The following IL2RB variants were observed in gnomAD, a reference collection of about 807,000 sequenced individuals.
IL2RB encodes interleukin 2 receptor subunit beta, also known as interleukin-2 receptor subunit beta.
IL2RB carries 17 observed loss-of-function variants against 44.2 expected under a neutral mutation model. That is an observed-to-expected ratio of 0.38 (90% CI 0.26 to 0.58). IL2RB has a LOEUF of 0.58. Among genes scored for constraint, IL2RB ranks in the 20% least tolerant of loss-of-function variants. IL2RB has a pLI of 0.63. For synonymous variants in IL2RB, 286 were observed against 297.9 expected, an observed-to-expected ratio of 0.96 and a Z score of 0.41; for missense variants, 624 against 685.5, an observed-to-expected ratio of 0.91 and a Z score of 1.00.
chr22:37,161,796 A>G (rs911411063), intron 1 of IL2RB: 7 of 152,180 alleles, frequency 4.6e-5, no homozygotes, highest in East Asian at 1.9e-4. Flanking sequence ...GGCTCACCCA[A>G]TCAGAAGCCT....
chr22:37,154,575 C>CTT (rs57147928), upstream of IL2RB, among the ~76,000 whole-genome samples: 5,889 of 141,464 alleles, frequency 0.042, 390 homozygotes, highest in African/African-American at 0.14. Flanking sequence ...CTTTTTTTTT[C>CTT]TTTTTTTTTT....
Position 37,135,374 on chromosome 22 carries a change from T to C in IL2RB, c.772A>G (p.Ile258Val). 1 of 1,613,918 alleles carries C rather than the reference T, an allele frequency of 6.2e-7. No homozygotes were observed. The highest frequency in any genetic ancestry group is 1.3e-5 in the African/African-American group (1 of 75,008). The change falls in exon 8 of 10, where the codon ATC becomes GTC. Residue 258 changes from isoleucine (I) to valine (V), a missense_variant. Transcript: ENST00000216223. Reference sequence around the variant, plus strand: ...TTGATCAGCAAGTACACTAAGATGATGAAGCCAAAAGCCCCGCTGAGGCCC... The same window carrying C: ...TTGATCAGCAAGTACACTAAGATGACGAAGCCAAAAGCCCCGCTGAGGCCC... ...LVGLSGAFGF[I>V]ILVYLLINCR...
chr22:37,145,314 C>T (rs777893587), intron 1 of IL2RB, among the ~76,000 whole-genome samples: 1 of 152,080 alleles, frequency 6.6e-6, no homozygotes, highest in African/African-American at 2.4e-5. Context: ...CCAGATTATA[C>T]CCCAGGGAGG....
chr22:37,154,720 C>T (rs1922618710), upstream of IL2RB, among the ~76,000 whole-genome samples: 1 of 152,072 alleles, frequency 6.6e-6, no homozygotes, highest in Admixed American at 6.6e-5. Flanking sequence ...GGATTACAGG[C>T]ACACACCACC....
intron 1 of IL2RB, among the ~76,000 whole-genome samples, chr22:37,147,878 T>A (rs1454641624): frequency 6.6e-6 from 1 of 151,998 alleles, no homozygotes; most frequent in Admixed American, 6.5e-5. Context: ...CCCCAAAGAG[T>A]GCATAGCCCA....
At chr22:37,132,289 T>A in intron 9 of IL2RB, 95 bp downstream of exon 9, 1 of 920,922 alleles carries the variant, frequency 1.1e-6, no homozygotes, top group Non-Finnish European at 1.7e-6. Flanking sequence ...GCGTTTTGTC[T>A]CCTCTCACAA....
intron 1 of IL2RB, 30 bp from the exon 2 acceptor site, chr22:37,144,235 C>T (rs553230663): frequency 9.2e-6 from 14 of 1,517,958 alleles, no homozygotes; most frequent in Admixed American, 6.3e-5. Flanking sequence ...AGAGAGCACA[C>T]GTAAATACAC....
chr22:37,135,857 G>A (rs1921664053), intron 7 of IL2RB, among the ~76,000 whole-genome samples: 1 of 152,172 alleles, frequency 6.6e-6, no homozygotes, highest in Non-Finnish European at 1.5e-5. Context: ...GGGCCAGGCT[G>A]CCGGGACATC....
rs372164885 is a variant in IL2RB, at chr22:37,137,752, G to A, written c.389-17C>T. 359 of 1,610,606 alleles carry A rather than the reference G, an allele frequency of 2.2e-4. 1 individual carries two copies. The African/African-American group carries it at 3.3e-3, about 15-fold the overall frequency. On this transcript the variant is annotated splice_polypyrimidine_tract_variant and intron_variant, in intron 5 of 9. Coordinates refer to ENST00000216223, the MANE Select transcript of IL2RB (RefSeq NM_000878.5). Reference sequence around the variant, plus strand: ...TCAGGCGAACTGGAGACAACAGGGGGTAGGGGAGAGCAGTCAGCCATGACC... The same window carrying A: ...TCAGGCGAACTGGAGACAACAGGGGATAGGGGAGAGCAGTCAGCCATGACC...
In IL2RB at chr22:37,126,700, G is replaced by C. The variant is rs1921129740; in HGVS notation, c.*1396C>G. On this transcript the variant is annotated 3_prime_UTR_variant, in exon 10 of 10. Transcript: ENST00000216223. The stretch of plus-strand genomic sequence containing the variant: ...CCCAGGTCAGAGTTAGCTGGGACTG[G>C]GGTCACTGTCCTGCTGGGGTGGAAT... 1.3e-5 allele frequency: 2 copies of C among 152,330 alleles called. No homozygotes were observed. The highest frequency in any genetic ancestry group is 1.3e-4 in the Admixed American group (2 of 15,282). 9.4% of individuals were successfully genotyped at this position (152,330 alleles called of 1,614,324 possible).
intron 1 of IL2RB, among the ~76,000 whole-genome samples, chr22:37,171,326 G>A (rs1601616618): frequency 6.6e-6 from 1 of 152,234 alleles, no homozygotes; most frequent in African/African-American, 2.4e-5. Flanking sequence ...GAGCCCCTAT[G>A]TGCCAAACCC....
intron 1 of IL2RB, 120 bp from the exon 2 acceptor site, chr22:37,144,325 C>T (rs1922125136): frequency 7.8e-7 from 1 of 1,281,830 alleles, no homozygotes; most frequent in Admixed American, 2.9e-5. Flanking sequence ...GGTGCCAGCT[C>T]AGTCCAGCCC....
Position 37,128,551 on chromosome 22 carries a change from T to C in IL2RB, c.1201A>G (p.Thr401Ala), listed in dbSNP as rs1465972190. ...TGCAGGGGTTGGGGGGAAGACCCTGTGGGTGCCCCGGCCACACCCTCATCA... is the reference window on the plus strand; with the variant it reads ...TGCAGGGGTTGGGGGGAAGACCCTGCGGGTGCCCCGGCCACACCCTCATCA... The part of the protein sequence containing the change: ...DPDEGVAGAP[T>A]GSSPQPLQPL... The change falls in exon 10 of 10, where the codon ACA becomes GCA. Residue 401 changes from threonine (T) to alanine (A), a missense_variant. Physicochemically the swap from Thr to Ala is moderately conservative, Grantham distance 58. Transcript: ENST00000216223. The surrounding 1 kb of genome is among the most constrained non-coding windows in gnomAD (Gnocchi z 4.5). 6.2e-7 allele frequency: 1 copy of C among 1,613,722 alleles called. No individual in the cohort carries two copies.
At chr22:37,166,674 T>C (rs1207411962) in intron 1 of IL2RB, 4 of 152,030 alleles carry the variant, frequency 2.6e-5, no homozygotes, top group Admixed American at 6.5e-5. Flanking sequence ...CAGGGCACAA[T>C]GACAGGTGGG....
intron 4 of IL2RB, 116 bp downstream of exon 4, chr22:37,142,318 C>T (rs1446723206): frequency 2.1e-6 from 2 of 941,674 alleles, no homozygotes; most frequent in African/African-American, 1.6e-5. Flanking sequence ...TGCTTAGCCA[C>T]AGCCCCAGCC....
In IL2RB at chr22:37,128,255, C is replaced by T. The variant is rs762939829; in HGVS notation, c.1497G>A (p.Glu499=). 1.3e-6 allele frequency: 2 copies of T among 1,498,186 alleles called. No individual in the cohort carries two copies. Among genetic ancestry groups the T allele is most frequent in the South Asian group, 2.8e-5 (2 of 72,032 alleles). 92.8% of individuals were successfully genotyped at this position (1,498,186 alleles called of 1,614,324 possible). Reference sequence around the variant, plus strand: ...CCTCCCTGGGGCCAGCGTCAGGGACCTCCTCCCCAGCCTCTCGCAGCACCA... The same window carrying T: ...CCTCCCTGGGGCCAGCGTCAGGGACTTCCTCCCCAGCCTCTCGCAGCACCA... ...PELVLREAGE[E]VPDAGPREGV... The change falls in exon 10 of 10, where the codon GAG becomes GAA. Residue 499 remains glutamate (E), a synonymous_variant. Transcript: ENST00000216223. This position sits in a 1 kb window ranked among gnomAD's most constrained non-coding sequence, Gnocchi z 4.5.
intron 1 of IL2RB, among the ~76,000 whole-genome samples, chr22:37,158,732 G>A (rs752508135): frequency 6.6e-5 from 10 of 152,214 alleles, no homozygotes; most frequent in African/African-American, 9.7e-5. Flanking sequence ...GTCTGTGAAG[G>A]TGCGTGGGAG....
intron 4 of IL2RB, among the ~76,000 whole-genome samples, chr22:37,139,800 C>A (rs146815340): frequency 1.8e-3 from 277 of 152,358 alleles, no homozygotes; most frequent in African/African-American, 5.8e-3. Context: ...GATGCCTTAG[C>A]CCCTCAATGC....
At chr22:37,162,380 G>A (rs989584290) in intron 1 of IL2RB, among the ~76,000 whole-genome samples, 16 of 152,186 alleles carry the variant, frequency 1.1e-4, no homozygotes, top group Admixed American at 2.0e-4. Flanking sequence ...CCAAACATGG[G>A]GGAGAGCTGA....
Sources: allele counts gnomAD v4.1 joint callset (sites outside exome capture counted in the v4.1 genomes callset), GRCh38; gene constraint gnomAD v4.1.1; non-coding constraint Gnocchi (gnomAD v3.1); transcripts MANE v1.5; gene names NCBI Gene and HGNC (gene_info 2026-07-23, HGNC 2026-07-21).